The following SLC8A1 variants were observed in gnomAD, a reference collection of about 807,000 sequenced individuals.
The protein encoded by SLC8A1 is sodium/calcium exchanger 1.
In SLC8A1, 18 loss-of-function variants were observed where a neutral mutation model predicts 68.3. That is an observed-to-expected ratio of 0.26 (90% CI 0.18 to 0.39). The LOEUF (loss-of-function observed/expected upper bound fraction) is 0.39, where lower values mean the gene tolerates loss of function less well. SLC8A1 is among the 10% of genes least tolerant of loss of function. The pLI is 1.00. For missense variants in SLC8A1, 985 were observed against 1,156.7 expected, an observed-to-expected ratio of 0.85 and a Z score of 2.15; for synonymous variants, 475 against 415.5, an observed-to-expected ratio of 1.14 and a Z score of -1.74.
chr2:40,502,962 G>A (rs1706139624), intron 1 of SLC8A1, among the ~76,000 whole-genome samples: 1 of 151,972 alleles, frequency 6.6e-6, no homozygotes, highest in Non-Finnish European at 1.5e-5. Context: ...ATAGAGATTA[G>A]GCTAGTGGTT....
chr2:40,317,405 C>G (rs1054289857), intron 2 of SLC8A1, among the ~76,000 whole-genome samples: 1 of 152,036 alleles, frequency 6.6e-6, no homozygotes, highest in African/African-American at 2.4e-5. Context: ...AATTCTGACT[C>G]ATGTCAACAA....
rs74556450 is a variant in SLC8A1, at chr2:40,127,596, G to A, written c.2437+11805C>T. 9.1e-3 allele frequency among the ~76,000 whole-genome samples: 1,381 copies of A among 152,250 alleles called. 15 individuals are homozygous for A. Among genetic ancestry groups the A allele is most frequent in the African/African-American group, 0.031 (1,288 of 41,542 alleles). ...AATCACAGGCTATGATTAATCCTCTGGTGGGCCTATCTGTGGACCCCAGTG... is the reference window on the plus strand; with the variant it reads ...AATCACAGGCTATGATTAATCCTCTAGTGGGCCTATCTGTGGACCCCAGTG... On this transcript the variant is annotated intron_variant, in intron 7 of 7. Transcript: ENST00000406785.
chr2:40,195,875 G>A (rs2052887483), intron 2 of SLC8A1: 1 of 151,988 alleles, frequency 6.6e-6, no homozygotes, highest in African/African-American at 2.4e-5. Context: ...CCAAAGGAGT[G>A]ACCTTAAAAG....
chr2:40,389,175 A>G (rs1684521092), intron 2 of SLC8A1, among the ~76,000 whole-genome samples: 1 of 152,068 alleles, frequency 6.6e-6, no homozygotes, highest in South Asian at 2.1e-4. Flanking sequence ...AGTTGATCCT[A>G]TTTATAGGCG....
At chr2:40,120,860 C>CCAAGTGAATGGTAAGGT (rs2036612413) in intron 7 of SLC8A1, 1 of 152,146 alleles carries the variant, frequency 6.6e-6, no homozygotes, top group Non-Finnish European at 1.5e-5. Context: ...TTCATTGATA[C>CCAAGTGAATGGTAAGGT]GAGTGAAGCC....
chr2:40,107,280 A>AAAAAAAAAAAC (rs2034267963), exon 8 of SLC8A1: 2 of 46,020 alleles, frequency 4.3e-5, no homozygotes, highest in African/African-American at 7.4e-5. Context: ...ACTCCGTCTC[A>AAAAAAAAAAAC]AAAAAAAAAA....
intron 7 of SLC8A1, chr2:40,120,926 A>G (rs1383053010): frequency 2.6e-5 from 4 of 152,236 alleles, no homozygotes; most frequent in Non-Finnish European, 5.9e-5. Context: ...TAATAGTGTT[A>G]GAAGTACCTG....
intron 1 of SLC8A1, among the ~76,000 whole-genome samples, chr2:40,436,141 G>C (rs1226468800): frequency 3.9e-5 from 6 of 151,912 alleles, no homozygotes; most frequent in African/African-American, 1.2e-4. Context: ...CTCTTCAAAA[G>C]ATGCAACTCT....
chr2:40,302,318 CAT>C (rs1285265078), intron 2 of SLC8A1, among the ~76,000 whole-genome samples: 9 of 151,930 alleles, frequency 5.9e-5, no homozygotes, highest in African/African-American at 2.2e-4. Context: ...TGAGTGAGAA[CAT>C]ATGATCTTTG....
intron 2 of SLC8A1, among the ~76,000 whole-genome samples, chr2:40,240,878 CA>C (rs2061129145): frequency 6.6e-6 from 1 of 151,354 alleles, no homozygotes; most frequent in Non-Finnish European, 1.5e-5. Context: ...TACCCCGACT[CA>C]AAAAAAAGTG....
upstream of SLC8A1, among the ~76,000 whole-genome samples, chr2:40,452,382 G>A (rs1002377586): frequency 6.6e-6 from 1 of 152,046 alleles, no homozygotes; most frequent in African/African-American, 2.4e-5. Flanking sequence ...CTGCCGGCGA[G>A]CAGCTTTTTC....
intron 2 of SLC8A1, among the ~76,000 whole-genome samples, chr2:40,413,079 G>A (rs980750941): frequency 2.0e-5 from 3 of 152,012 alleles, no homozygotes; most frequent in Admixed American, 6.6e-5. Flanking sequence ...TTAGAATGGC[G>A]ATCATTAAAA....
intron 2 of SLC8A1, among the ~76,000 whole-genome samples, chr2:40,207,343 A>C (rs1290130766): frequency 6.6e-6 from 1 of 151,990 alleles, no homozygotes; most frequent in Non-Finnish European, 1.5e-5. Context: ...ATCCTTTTAC[A>C]TGAACAATGC....
chr2:40,169,819 T>C (rs2047150869), intron 4 of SLC8A1, among the ~76,000 whole-genome samples: 1 of 152,158 alleles, frequency 6.6e-6, no homozygotes, highest in African/African-American at 2.4e-5. Context: ...TACACACCTA[T>C]AGTCCTAGCT....
At chr2:40,343,799 C>T (rs915080284) in intron 2 of SLC8A1, among the ~76,000 whole-genome samples, 3 of 152,162 alleles carry the variant, frequency 2.0e-5, no homozygotes, top group African/African-American at 7.2e-5. Flanking sequence ...TATTTTCAAA[C>T]TACTGTACTT....
intron 2 of SLC8A1, among the ~76,000 whole-genome samples, chr2:40,208,843 A>G (rs1049393034): frequency 6.6e-6 from 1 of 152,298 alleles, no homozygotes; most frequent in South Asian, 2.1e-4. Flanking sequence ...TAAAGAATTC[A>G]GAACACTGAG....
At chr2:40,426,082 G>C (rs780973212) in intron 2 of SLC8A1, among the ~76,000 whole-genome samples, 2 of 151,896 alleles carry the variant, frequency 1.3e-5, no homozygotes, top group Non-Finnish European at 2.9e-5. Flanking sequence ...GACCTATTTA[G>C]CATCTACAAA....
intron 2 of SLC8A1, among the ~76,000 whole-genome samples, chr2:40,297,550 T>C (rs544893920): frequency 1.6e-4 from 24 of 152,326 alleles, no homozygotes; most frequent in Admixed American, 3.9e-4. Flanking sequence ...CAATACATCT[T>C]GAGATAAAAC....
intron 1 of SLC8A1, among the ~76,000 whole-genome samples, chr2:40,431,584 T>C (rs1698310798): frequency 6.6e-6 from 1 of 151,968 alleles, no homozygotes; most frequent in Non-Finnish European, 1.5e-5. Context: ...GAAACTGAAG[T>C]AGAGGAAGGT....
Sources: allele counts gnomAD v4.1 joint callset (sites outside exome capture counted in the v4.1 genomes callset), GRCh38; gene constraint gnomAD v4.1.1; transcripts MANE v1.5; gene names NCBI Gene and HGNC (gene_info 2026-07-23, HGNC 2026-07-21).